The following SZT2 variants were observed in gnomAD, a reference collection of about 807,000 sequenced individuals.
SZT2 encodes the protein SZT2 subunit of KICSTOR complex.
In SZT2, 216 loss-of-function variants were observed where a neutral mutation model predicts 404.2. The observed-to-expected ratio is 0.53, with a 90% CI of 0.48 to 0.60. SZT2 has a LOEUF of 0.60. Ranked by LOEUF, SZT2 falls within the 20% of genes least tolerant of loss-of-function variation. The pLI, the probability that SZT2 is intolerant of heterozygous loss-of-function variation, is 0.00. For synonymous variants in SZT2, 1,693 were observed against 1,749.9 expected (o/e 0.97, Z 0.81); for missense variants, 3,857 against 4,459.2 (o/e 0.86, Z 3.85).
chr1:43,437,443 T>C lies in SZT2; in HGVS notation c.6225T>C (p.Ser2075=). The change falls in exon 44 of 72, where the codon TCT becomes TCC. Residue 2075 remains serine, a synonymous_variant. Coordinates refer to ENST00000634258, the MANE Select transcript of SZT2 (RefSeq NM_001365999.1). The surrounding 1 kb of genome is among the most constrained non-coding windows in gnomAD (Gnocchi z 5.3). ...TGCGCTCTGTGCTCAATGCCTTCTC[T>C]GTGGTGAACCGGAAAAACATGTTTG... ...QALRSVLNAF[S]VVNRKNMFVY... 2 of 1,614,154 alleles carry C rather than the reference T, an allele frequency of 1.2e-6. No homozygotes were observed. Among genetic ancestry groups the C allele is most frequent in the South Asian group, 1.1e-5 (1 of 91,080 alleles).
chr1:43,433,981 T>G (rs1173861324), intron 40 of SZT2, among the ~76,000 whole-genome samples: 1 of 152,150 alleles, frequency 6.6e-6, no homozygotes, highest in Admixed American at 6.6e-5. Context: ...CCAGGATTCC[T>G]GCATAGGCAT....
intron 4 of SZT2, among the ~76,000 whole-genome samples, chr1:43,413,042 T>G (rs893181599): frequency 6.6e-6 from 1 of 152,168 alleles, no homozygotes; most frequent in Non-Finnish European, 1.5e-5. Context: ...AAAGGTAACG[T>G]TGTGCACTCT....
chr1:43,423,082 CCA>C lies in SZT2; in HGVS notation c.2038-14_2038-13del, dbSNP rs765018801. 22 of 1,571,110 alleles carry C rather than the reference CCA, an allele frequency of 1.4e-5. 1 individual carries two copies. In the South Asian group the frequency reaches 2.4e-4, roughly 17 times the overall value. ...AGGAGATGGGAGTAAGAGGATGTGA[CCA>C]CATTTTCCCCTCAGATTGTGTCAGG... On this transcript the variant is annotated splice_polypyrimidine_tract_variant and intron_variant, in intron 14 of 71. Coordinates refer to ENST00000634258, the MANE Select transcript of SZT2 (RefSeq NM_001365999.1).
chr1:43,391,244 G>C (rs189295725), intron 1 of SZT2, among the ~76,000 whole-genome samples: 6 of 152,020 alleles, frequency 3.9e-5, no homozygotes. Context: ...AACCCGGGAG[G>C]TGGAGGTTGC....
In SZT2 at chr1:43,439,192, C is replaced by T. The variant is rs1488893730; in HGVS notation, c.6792+99C>T. 4 of 1,574,580 alleles carry T rather than the reference C, an allele frequency of 2.5e-6. No individual in the cohort carries two copies. In the East Asian group the frequency reaches 9.0e-5, roughly 35 times the overall value. On this transcript the variant is annotated intron_variant, in intron 48 of 71. Transcript: ENST00000634258. The surrounding 1 kb of genome is among the most constrained non-coding windows in gnomAD (Gnocchi z 4.2). ...CCGATACCCCTATATGTACCTTTGC[C>T]CATGGACCTGGGTACACCCATGCCC...
In SZT2 at chr1:43,430,540, C is replaced by T. The variant is rs1557566670; in HGVS notation, c.4525C>T (p.Leu1509=). ...CCVVTESDPE[L]EVEYRESRES... ...TGTGGTCACTGAGAGTGACCCAGAG[C>T]TAGAGGTAGAATACCGGGAGAGCCG... is the stretch of plus-strand genomic sequence containing the variant. Residue 1509 remains leucine (L), a synonymous_variant, in exon 32 of 72, where the codon CTA becomes TTA. Transcript: ENST00000634258. The T allele has an allele frequency of 5.6e-6, 9 of 1,614,204 alleles. No individual in the cohort carries two copies. Among genetic ancestry groups the T allele is most frequent in the Non-Finnish European group, 6.8e-6 (8 of 1,180,042 alleles).
rs1293547984 is a variant in SZT2, at chr1:43,419,730, C to G, written c.880-4C>G. The G allele has an allele frequency of 6.3e-7, 1 of 1,596,320 alleles. No homozygotes were observed. The highest frequency in any genetic ancestry group is 1.3e-5 in the African/African-American group (1 of 74,848). On this transcript the variant is annotated splice_region_variant and splice_polypyrimidine_tract_variant and intron_variant, in intron 7 of 71. Coordinates refer to ENST00000634258, the MANE Select transcript of SZT2 (RefSeq NM_001365999.1). The stretch of plus-strand genomic sequence containing the variant: ...CTAGGTCTTCAGTTGCTCACTTTTT[C>G]CAGGTGGGAGGAGTTTACTCTTATG...
chr1:43,431,986 T>C, intron 36 of SZT2, 85 bp downstream of exon 36: 1 of 1,486,220 alleles, frequency 6.7e-7, no homozygotes, highest in Non-Finnish European at 9.3e-7. Context: ...GGCCCTCTGT[T>C]AGTTCGAACT....
Position 43,451,893 on chromosome 1 carries a change from G to A in SZT2, c.*1413G>A. 2 of 1,613,806 alleles carry A rather than the reference G, an allele frequency of 1.2e-6. No individual in the cohort carries two copies. The highest frequency in any genetic ancestry group is 2.2e-5 in the East Asian group (1 of 44,862). ...GGGACCGTGAGCCTCAAGAGCACAG[G>A]AATCAAAAGGGACAGAAGGAGAGAC... On this transcript the variant is annotated 3_prime_UTR_variant, in exon 72 of 72. Transcript: ENST00000634258.
rs1244080172 is a variant in SZT2, at chr1:43,437,408, A to G, written c.6190A>G (p.Ile2064Val). ...MGPSMGVSRA[I>V]QALRSVLNAF... ...CTGAGCCCATGTTATTCCCCCAGCC[A>G]TCCAGGCCCTGCGCTCTGTGCTCAA... The change falls in exon 44 of 72, where the codon ATC becomes GTC. Residue 2064 changes from isoleucine to valine, a missense_variant and splice_region_variant. Around this residue, in one of 7 missense-constraint regions of SZT2, gnomAD observed 261 missense variants for 372.9 expected, o/e 0.70. Coordinates refer to ENST00000634258, the MANE Select transcript of SZT2 (RefSeq NM_001365999.1). The surrounding 1 kb of genome is among the most constrained non-coding windows in gnomAD (Gnocchi z 5.3). The G allele has an allele frequency of 1.2e-6, 2 of 1,614,106 alleles. No homozygotes were observed. The highest frequency in any genetic ancestry group is 4.5e-5 in the East Asian group (2 of 44,876).
rs377397089 is a variant in SZT2 at position 43,447,858 on chromosome 1, C to T, written c.9450C>T (p.Ser3150=). ...AACCCGTCCTGCACAGTTCTGGCTC[C>T]TACCTGGACTCTGAGGGACTTCGAC... ...ALVSAWHSSG[S]YLDSEGLRHQ... The change falls in exon 68 of 72, where the codon TCC becomes TCT. Residue 3150 remains serine, a synonymous_variant. Transcript: ENST00000634258. 2 of 1,613,978 alleles carry T rather than the reference C, an allele frequency of 1.2e-6. No homozygotes were observed. The highest frequency in any genetic ancestry group is 1.7e-6 in the Non-Finnish European group (2 of 1,180,010).
At chr1:43,395,122 T>A (rs1286998532) in intron 1 of SZT2, among the ~76,000 whole-genome samples, 1 of 152,144 alleles carries the variant, frequency 6.6e-6, no homozygotes, top group Non-Finnish European at 1.5e-5. Flanking sequence ...AGTAGTAAAA[T>A]TTAGTGGCCT....
At chr1:43,392,746 T>A (rs1466132662) in intron 1 of SZT2, among the ~76,000 whole-genome samples, 1 of 152,224 alleles carries the variant, frequency 6.6e-6, no homozygotes, top group Non-Finnish European at 1.5e-5. Context: ...CTGATTTGCA[T>A]TTCTGAAAAT....
Position 43,451,153 on chromosome 1 carries a change from C to T in SZT2, c.*673C>T. 8.0e-7 allele frequency: 1 copy of T among 1,254,038 alleles called. No homozygotes were observed. The highest frequency in any genetic ancestry group is 1.7e-5 in the Admixed American group (1 of 59,484). The allele number at this position is 1,254,038 out of a possible 1,614,324, so 77.7% of individuals were successfully genotyped here. On this transcript the variant is annotated 3_prime_UTR_variant, in exon 72 of 72. Coordinates refer to ENST00000634258, the MANE Select transcript of SZT2 (RefSeq NM_001365999.1). Reference sequence around the variant, plus strand: ...ACCACCCCATTACAGAGACATATGACAATGTTCAGCAGGTCATCTTTAATG... The same window carrying T: ...ACCACCCCATTACAGAGACATATGATAATGTTCAGCAGGTCATCTTTAATG...
In SZT2 at chr1:43,420,007, G is replaced by A. The variant is rs72881999; in HGVS notation, c.1090+63G>A. ...ATATAGAATGGGCCCAGAGATGATG[G>A]GGCCCTGGAGGACTGAAAGTGTAAC... is the stretch of plus-strand genomic sequence containing the variant. On this transcript the variant is annotated intron_variant, in intron 8 of 71. Transcript: ENST00000634258. The surrounding 1 kb of genome is among the most constrained non-coding windows in gnomAD (Gnocchi z 5.1). 2,178 of 1,580,946 alleles carry A rather than the reference G, an allele frequency of 1.4e-3. 19 individuals are homozygous for A. The African/African-American group carries it at 0.026, about 19-fold the overall frequency.
In SZT2 at chr1:43,439,840, G is replaced by A; in HGVS notation, c.7043-41G>A. 1.3e-6 allele frequency: 2 copies of A among 1,564,072 alleles called. No individual in the cohort carries two copies. Among genetic ancestry groups the A allele is most frequent in the Non-Finnish European group, 1.7e-6 (2 of 1,154,070 alleles). ...GGAGGTAAGGGTGGTGAGTAGAGTG[G>A]GATCTAGGGACACCCTCAAGTGTCC... On this transcript the variant is annotated intron_variant, in intron 50 of 71. Coordinates refer to ENST00000634258, the MANE Select transcript of SZT2 (RefSeq NM_001365999.1). The surrounding 1 kb of genome is among the most constrained non-coding windows in gnomAD (Gnocchi z 4.2).
At chr1:43,408,657 G>A (rs915486231) in intron 4 of SZT2, among the ~76,000 whole-genome samples, 9 of 152,106 alleles carry the variant, frequency 5.9e-5, no homozygotes, top group East Asian at 1.9e-4. Flanking sequence ...TTAATGTCCT[G>A]TTAACTTACT....
chr1:43,428,179 G>GGT, intron 27 of SZT2, 61 bp downstream of exon 27: 1 of 1,612,130 alleles, frequency 6.2e-7, no homozygotes. Flanking sequence ...GGGATTACAG[G>GGT]GTGGGGACTG....
intron 4 of SZT2, among the ~76,000 whole-genome samples, 183 bp from the exon 5 acceptor site, chr1:43,414,899 C>G (rs113829242): frequency 6.6e-6 from 1 of 152,164 alleles, no homozygotes; most frequent in African/African-American, 2.4e-5. Flanking sequence ...GACTAGGGAC[C>G]TGGGCTGAGG....
Sources: gnomAD v4.1 joint callset for allele counts (sites outside exome capture counted in the v4.1 genomes callset) on GRCh38, gnomAD v4.1.1 for gene constraint, gnomAD v4.1.1 regional missense constraint, Gnocchi (gnomAD v3.1) non-coding constraint, MANE v1.5 for transcripts, NCBI Gene and HGNC (gene_info 2026-07-23, HGNC 2026-07-21) for gene names.